The following CYYR1 variants were observed in gnomAD, a reference collection of about 807,000 sequenced individuals.
The protein encoded by CYYR1 is cysteine and tyrosine-rich protein 1.
In CYYR1, 14 loss-of-function variants were observed where a neutral mutation model predicts 15.2. The ratio of observed to expected loss-of-function variants is 0.92; its 90% CI spans 0.61 to 1.44. The LOEUF is 1.44. CYYR1 is among the 40% of genes most tolerant of loss of function. The pLI, the probability that CYYR1 is intolerant of heterozygous loss-of-function variation, is 0.00. For missense variants in CYYR1, 228 were observed against 209.5 expected (o/e 1.09, Z -0.54); for synonymous variants, 80 against 77.4 (o/e 1.03, Z -0.18).
intron 2 of CYYR1, chr21:26,564,780 C>A: frequency 8.0e-7 from 1 of 1,244,852 alleles, no homozygotes; most frequent in East Asian, 5.7e-5. Context: ...AGTTTGACTT[C>A]ACATTCTCCA....
chr21:26,524,799 T>A (rs2123576193), intron 2 of CYYR1, among the ~76,000 whole-genome samples: 1 of 152,374 alleles, frequency 6.6e-6, no homozygotes, highest in Non-Finnish European at 1.5e-5. Context: ...TTTTGTTTTT[T>A]TAAGAAAATA....
chr21:26,505,873 A>G (rs550229936), intron 2 of CYYR1, among the ~76,000 whole-genome samples: 4 of 152,222 alleles, frequency 2.6e-5, no homozygotes, highest in Non-Finnish European at 5.9e-5. Flanking sequence ...GCATTAAGGA[A>G]CTATTTAGTC....
intron 2 of CYYR1, among the ~76,000 whole-genome samples, chr21:26,549,372 T>C (rs1361857401): frequency 6.6e-6 from 1 of 152,212 alleles, no homozygotes. Flanking sequence ...TTGGGAAGCC[T>C]GCCAGTGATT....
intron 3 of CYYR1, among the ~76,000 whole-genome samples, chr21:26,478,927 T>G (rs2065136921): frequency 6.6e-6 from 1 of 152,052 alleles, no homozygotes; most frequent in Admixed American, 6.6e-5. Flanking sequence ...GTAAAGGCTG[T>G]GAGTGGACAG....
intron 3 of CYYR1, among the ~76,000 whole-genome samples, chr21:26,469,690 AT>A (rs765921617): frequency 2.2e-4 from 33 of 152,122 alleles, no homozygotes; most frequent in Non-Finnish European, 2.6e-4. Context: ...GACTATAGTC[AT>A]CCAGTGGTAT....
Position 26,536,630 on chromosome 21 carries a change from TAGAAAGAAAATGATA to T in CYYR1, c.176+29621_176+29635del, listed in dbSNP as rs779453699. Among the ~76,000 whole-genome samples, 1,378 of 152,278 alleles carry T rather than the reference TAGAAAGAAAATGATA, an allele frequency of 9.0e-3. 15 individuals carry two copies. The highest frequency in any genetic ancestry group is 0.016 in the Admixed American group (244 of 15,280). On this transcript the variant is annotated intron_variant, in intron 2 of 3. Transcript: ENST00000652641. ...TTGCTTTTAAAATTCAATACTTAGG[TAGAAAGAAAATGATA>T]ACTTTTTCCCTTTGATTTTTATTCA...
Position 26,466,921 on chromosome 21 carries a change from AG to A in CYYR1, c.*1579del, listed in dbSNP as rs2064975273. The A allele has an allele frequency of 1.3e-5, 2 of 152,202 alleles. No individual in the cohort carries two copies. The highest frequency in any genetic ancestry group is 4.8e-5 in the African/African-American group (2 of 41,462). The allele number at this position is 152,202 out of a possible 1,614,324, so 9.4% of individuals were successfully genotyped here. A position where few individuals can be genotyped will look rare whatever the true frequency, so the allele number is the denominator to read the frequency against. The stretch of plus-strand genomic sequence containing the variant: ...AATTCAGCCTTTGGACCTTACTGGC[AG>A]GTAGGTTATATTTCAGTCAGATCAA... On this transcript the variant is annotated 3_prime_UTR_variant, in exon 4 of 4. Transcript: ENST00000652641.
chr21:26,520,950 C>G (rs535743429), intron 2 of CYYR1, among the ~76,000 whole-genome samples: 116 of 152,240 alleles, frequency 7.6e-4, no homozygotes, highest in African/African-American at 2.6e-3. Context: ...CCAAACACTG[C>G]GCGTTCTCAC....
chr21:26,573,160 ACGG>A lies in CYYR1; in HGVS notation c.-223_-221del. The A allele has an allele frequency of 6.7e-7, 1 of 1,483,228 alleles. No individual in the cohort carries two copies. The highest frequency in any genetic ancestry group is 1.2e-5 in the South Asian group (1 of 81,040). The allele number at this position is 1,483,228 out of a possible 1,614,324, so 91.9% of individuals were successfully genotyped here. On this transcript the variant is annotated 5_prime_UTR_variant, in exon 1 of 4. Transcript: ENST00000652641. ...GGAGCTGGGGCGCCCGTGGCCCGAG[ACGG>A]GCTGCGCTGGGGGCCCAGGTCTCTT...
chr21:26,512,495 C>A (rs2065662822), intron 2 of CYYR1, among the ~76,000 whole-genome samples: 1 of 152,124 alleles, frequency 6.6e-6, no homozygotes, highest in Non-Finnish European at 1.5e-5. Context: ...GCCACCGCGC[C>A]CGGCCCACAG....
chr21:26,571,123 C>T (rs573419603), intron 1 of CYYR1, among the ~76,000 whole-genome samples: 17 of 152,252 alleles, frequency 1.1e-4, no homozygotes, highest in African/African-American at 4.1e-4. Context: ...ATGATCATAC[C>T]GTAGTTCCCA....
intron 2 of CYYR1, among the ~76,000 whole-genome samples, chr21:26,500,584 G>T (rs1173084291): frequency 1.3e-5 from 2 of 152,190 alleles, no homozygotes; most frequent in Non-Finnish European, 2.9e-5. Context: ...AGTGGCTTAG[G>T]ACAGTACTTA....
chr21:26,486,981 C>A (rs2065257669), intron 2 of CYYR1, among the ~76,000 whole-genome samples: 1 of 151,872 alleles, frequency 6.6e-6, no homozygotes, highest in Non-Finnish European at 1.5e-5. Context: ...AATCAAAGGG[C>A]TTATGAATAT....
intron 2 of CYYR1, among the ~76,000 whole-genome samples, chr21:26,511,513 CAAT>C (rs1380126959): frequency 6.6e-6 from 1 of 152,154 alleles, no homozygotes; most frequent in Admixed American, 6.5e-5. Context: ...AGCATATCAA[CAAT>C]GAGATAAAGC....
At chr21:26,469,035 A>G (rs138093130) in intron 3 of CYYR1, among the ~76,000 whole-genome samples, 3,053 of 152,326 alleles carry the variant, frequency 0.02, 39 homozygotes, top group Middle Eastern at 0.058. Context: ...TGTAGAATGT[A>G]TAACATGTAG....
intron 2 of CYYR1, among the ~76,000 whole-genome samples, chr21:26,559,098 C>T (rs768164028): frequency 1.3e-5 from 2 of 152,128 alleles, no homozygotes; most frequent in Non-Finnish European, 2.9e-5. Flanking sequence ...AATGTGAGAG[C>T]CCTTTTATCT....
At chr21:26,562,481 T>C (rs542455312) in intron 2 of CYYR1, among the ~76,000 whole-genome samples, 2 of 152,062 alleles carry the variant, frequency 1.3e-5, no homozygotes, top group African/African-American at 2.4e-5. Context: ...CATTAAAGGA[T>C]CTATCTTTTG....
At chr21:26,520,422 T>A (rs1213429333) in intron 2 of CYYR1, among the ~76,000 whole-genome samples, 3 of 152,098 alleles carry the variant, frequency 2.0e-5, no homozygotes, top group Non-Finnish European at 4.4e-5. Flanking sequence ...TTCCTTTTTA[T>A]GGCTGCATAG....
chr21:26,509,629 C>T (rs543873978), intron 2 of CYYR1, among the ~76,000 whole-genome samples: 1 of 152,292 alleles, frequency 6.6e-6, no homozygotes, highest in East Asian at 1.9e-4. Flanking sequence ...CAGTCAAAGC[C>T]TGCTTAAGTC....
Sources: gnomAD v4.1 joint callset for allele counts (sites outside exome capture counted in the v4.1 genomes callset) on GRCh38, gnomAD v4.1.1 for gene constraint, MANE v1.5 for transcripts, NCBI Gene and HGNC (gene_info 2026-07-23, HGNC 2026-07-21) for gene names.